Variants in TRAPPC9 observed in about 807,000 individuals in gnomAD.
TRAPPC9 encodes the protein trafficking protein particle complex subunit 9, also known as IKK2 binding protein.
TRAPPC9 carries 83 observed loss-of-function variants against 124.0 expected under a neutral mutation model. The ratio of observed to expected loss-of-function variants is 0.67; its 90% CI spans 0.56 to 0.80. The LOEUF (loss-of-function observed/expected upper bound fraction) is 0.80, where lower values mean the gene tolerates loss of function less well. Ranked by LOEUF, TRAPPC9 falls within the 30% of genes least tolerant of loss-of-function variation. The pLI, the probability that TRAPPC9 is intolerant of heterozygous loss-of-function variation, is 0.00. For missense variants in TRAPPC9, 1,302 were observed against 1,508.3 expected, an observed-to-expected ratio of 0.86 and a Z score of 2.27; for synonymous variants, 638 against 617.5, an observed-to-expected ratio of 1.03 and a Z score of -0.49.
At chr8:140,355,266 C>T (rs1379630134) in intron 9 of TRAPPC9, among the ~76,000 whole-genome samples, 1 of 152,178 alleles carries the variant, frequency 6.6e-6, no homozygotes, top group African/African-American at 2.4e-5. Context: ...AAACACAGCC[C>T]ATATGGAAGC....
At position 140,457,645 on chromosome 8, in the gene TRAPPC9, G is replaced by A; in HGVS notation, c.-17C>T. 2.0e-6 allele frequency: 2 copies of A among 986,304 alleles called. No homozygotes were observed. The highest frequency in any genetic ancestry group is 2.4e-6 in the Non-Finnish European group (2 of 830,532). 61.1% of individuals were successfully genotyped at this position (986,304 alleles called of 1,614,324 possible). On this transcript the variant is annotated 5_prime_UTR_variant, in exon 1 of 23. Transcript: ENST00000438773. ...CCCCCCGCTTTGCACTTACACAGCC[G>A]GTGGCCCCGGGCCCGGAGCGGGAGC...
intron 17 of TRAPPC9, among the ~76,000 whole-genome samples, chr8:140,074,277 C>T (rs1281961760): frequency 1.3e-5 from 2 of 152,164 alleles, no homozygotes; most frequent in African/African-American, 4.8e-5. Context: ...GTGGGCGGGC[C>T]CTGGGACACA....
intron 17 of TRAPPC9, among the ~76,000 whole-genome samples, chr8:140,140,087 T>C (rs961878138): frequency 1.3e-5 from 2 of 152,058 alleles, no homozygotes; most frequent in Admixed American, 1.3e-4. Flanking sequence ...CAGCTGTGTG[T>C]CCCACGAGGG....
chr8:140,246,373 C>T (rs1212782936), intron 16 of TRAPPC9, among the ~76,000 whole-genome samples: 4 of 152,206 alleles, frequency 2.6e-5, no homozygotes. Flanking sequence ...ATTAGGAATG[C>T]TCACTGCTGC....
intron 14 of TRAPPC9, among the ~76,000 whole-genome samples, chr8:140,281,162 G>A (rs549729606): frequency 6.6e-6 from 1 of 152,340 alleles, no homozygotes; most frequent in South Asian, 2.1e-4. Context: ...CCTAGGAGTG[G>A]AGTTGTTGGG....
intron 21 of TRAPPC9, among the ~76,000 whole-genome samples, chr8:139,734,837 G>A (rs950072246): frequency 1.3e-5 from 2 of 152,256 alleles, no homozygotes; most frequent in African/African-American, 4.8e-5. Context: ...TTCACTCTGT[G>A]CCACTGTGGG....
chr8:139,880,203 T>C (rs1424021892), intron 21 of TRAPPC9, among the ~76,000 whole-genome samples: 1 of 152,206 alleles, frequency 6.6e-6, no homozygotes. Flanking sequence ...GCTTTCACTG[T>C]GATCTTGCTG....
chr8:139,921,281 A>C (rs1282431922), intron 19 of TRAPPC9, among the ~76,000 whole-genome samples: 1 of 152,256 alleles, frequency 6.6e-6, no homozygotes, highest in African/African-American at 2.4e-5. Flanking sequence ...ATCTGAGGGC[A>C]GAAGCTTGGG....
intron 17 of TRAPPC9, among the ~76,000 whole-genome samples, chr8:140,123,228 G>A (rs560538977): frequency 2.4e-4 from 37 of 152,016 alleles, no homozygotes; most frequent in African/African-American, 8.4e-4. Flanking sequence ...AGTCACGTCC[G>A]CCATGACACC....
intron 19 of TRAPPC9, among the ~76,000 whole-genome samples, chr8:139,965,940 C>T (rs972043729): frequency 3.9e-5 from 6 of 152,228 alleles, no homozygotes; most frequent in African/African-American, 1.4e-4. Flanking sequence ...CAGCCTGCGC[C>T]ACAAGGCCTT....
At chr8:140,388,027 G>A (rs1021647491) in intron 7 of TRAPPC9, among the ~76,000 whole-genome samples, 6 of 151,996 alleles carry the variant, frequency 3.9e-5, no homozygotes, top group South Asian at 4.2e-4. Flanking sequence ...TGTACACCAT[G>A]GAATACTATG....
At chr8:140,112,667 G>C (rs2060804511) in intron 17 of TRAPPC9, among the ~76,000 whole-genome samples, 1 of 152,044 alleles carries the variant, frequency 6.6e-6, no homozygotes, top group South Asian at 2.1e-4. Context: ...TTATCTCCTA[G>C]TCTCATAACA....
At chr8:140,208,809 A>G (rs926967182) in intron 17 of TRAPPC9, among the ~76,000 whole-genome samples, 1 of 152,218 alleles carries the variant, frequency 6.6e-6, no homozygotes, top group African/African-American at 2.4e-5. Flanking sequence ...GTCTGAGTTG[A>G]GCAGGTCTGC....
In TRAPPC9 at chr8:139,958,928, C is replaced by A. The variant is rs966119423; in HGVS notation, c.2810+29798G>T. 2.1e-3 allele frequency among the ~76,000 whole-genome samples: 247 copies of A among 117,032 alleles called. 1 individual carries two copies. Among genetic ancestry groups the A allele is most frequent in the African/African-American group, 7.0e-3 (236 of 33,610 alleles). 76.8% of individuals were successfully genotyped at this position (117,032 alleles called of 152,430 possible). ...GGGGAGCACTGCATTCCGAGTCACA[C>A]GGGGGAGCACTGCATTCCGAGTCAC... is the stretch of plus-strand genomic sequence containing the variant. On this transcript the variant is annotated intron_variant, in intron 19 of 22. Transcript: ENST00000438773.
chr8:139,808,865 T>C (rs1343748702), intron 21 of TRAPPC9, among the ~76,000 whole-genome samples: 5 of 152,218 alleles, frequency 3.3e-5, no homozygotes, highest in African/African-American at 9.6e-5. Flanking sequence ...AGCTGATGGA[T>C]AGGTAAACAA....
chr8:139,979,498 C>T (rs1408395358), intron 19 of TRAPPC9, among the ~76,000 whole-genome samples: 2 of 152,186 alleles, frequency 1.3e-5, no homozygotes, highest in Non-Finnish European at 2.9e-5. Flanking sequence ...GCACGGTCGG[C>T]ACCAGAGGAG....
intron 17 of TRAPPC9, among the ~76,000 whole-genome samples, chr8:140,198,795 TGAG>T (rs1229118477): frequency 6.6e-6 from 1 of 152,212 alleles, no homozygotes; most frequent in Admixed American, 6.5e-5. Flanking sequence ...CTCTCTGGGC[TGAG>T]ATTTCCTGAA....
At chr8:139,745,796 C>A (rs1460979515) in intron 21 of TRAPPC9, among the ~76,000 whole-genome samples, 1 of 152,244 alleles carries the variant, frequency 6.6e-6, no homozygotes, top group Non-Finnish European at 1.5e-5. Context: ...CTACTATGTG[C>A]CTTTTGGCCA....
intron 2 of TRAPPC9, among the ~76,000 whole-genome samples, chr8:140,443,666 C>T (rs2071128512): frequency 6.6e-6 from 1 of 152,120 alleles, no homozygotes; most frequent in African/African-American, 2.4e-5. Context: ...TTTGGGAAGC[C>T]GAGGCAGGCA....
Sources: gnomAD v4.1 joint callset for allele counts (sites outside exome capture counted in the v4.1 genomes callset) on GRCh38, gnomAD v4.1.1 for gene constraint, MANE v1.5 for transcripts, NCBI Gene and HGNC (gene_info 2026-07-23, HGNC 2026-07-21) for gene names.